The following RELN variants were observed in gnomAD, a reference collection of about 807,000 sequenced individuals.
RELN encodes reelin.
In RELN, 108 loss-of-function variants were observed where a neutral mutation model predicts 427.6. The observed-to-expected ratio is 0.25, with a 90% confidence interval of 0.22 to 0.30. The LOEUF is 0.30. Ranked by LOEUF, RELN falls within the 10% of genes least tolerant of loss-of-function variation. The pLI is 1.00. For synonymous variants in RELN, 1,524 were observed against 1,513.4 expected, an observed-to-expected ratio of 1.01 and a Z score of -0.16; for missense variants, 3,715 against 4,302.8, an observed-to-expected ratio of 0.86 and a Z score of 3.82.
At chr7:103,987,085 A>AAC (rs1563126732) in intron 1 of RELN, among the ~76,000 whole-genome samples, 2 of 151,794 alleles carry the variant, frequency 1.3e-5, no homozygotes, top group East Asian at 1.9e-4. Flanking sequence ...AAAAAAAAAA[A>AAC]AAAAAACTCT....
rs1797184332 is a variant in RELN, at chr7:103,989,576, G to A, written c.-220C>T. ...TTTGGGCCGCGGGAGCGCGGGACCG[G>A]GGCTGCGGGCGCCGAGAGCGCGTCG... is the stretch of plus-strand genomic sequence containing the variant. On this transcript the variant is annotated 5_prime_UTR_variant, in exon 1 of 65. Transcript: ENST00000428762. The surrounding 1 kb of genome is among the most constrained non-coding windows in gnomAD (Gnocchi z 4.9). 2.4e-6 allele frequency: 1 copy of A among 408,322 alleles called. No individual in the cohort carries two copies. The highest frequency in any genetic ancestry group is 4.2e-6 in the Non-Finnish European group (1 of 240,586). The allele number at this position is 408,322 out of a possible 1,614,324, so 25.3% of individuals were successfully genotyped here. A position where few individuals can be genotyped will look rare whatever the true frequency, so the allele number is the denominator to read the frequency against.
chr7:103,479,243 C>A (rs1187270951), intron 63 of RELN, among the ~76,000 whole-genome samples: 1 of 152,182 alleles, frequency 6.6e-6, no homozygotes, highest in Non-Finnish European at 1.5e-5. Context: ...ACAACAAATT[C>A]TCTTTTATCC....
chr7:103,588,922 G>A (rs1425287654), intron 28 of RELN, among the ~76,000 whole-genome samples: 1 of 147,946 alleles, frequency 6.8e-6, no homozygotes, highest in African/African-American at 2.5e-5. Context: ...TTCCAATATG[G>A]GATGTGTAAA....
intron 1 of RELN, among the ~76,000 whole-genome samples, chr7:103,970,560 C>A (rs1265642558): frequency 6.6e-6 from 1 of 152,016 alleles, no homozygotes; most frequent in Admixed American, 6.6e-5. Flanking sequence ...GAAAGGTTGT[C>A]TAGTGTTCCT....
Position 103,824,892 on chromosome 7 carries a change from T to A in RELN, c.473+8645A>T, listed in dbSNP as rs1479685094. ...TAAATACTAATTTTTAAAAGAAATA[T>A]AGAGTGGTAGTATAGGATGGTGGTT... On this transcript the variant is annotated intron_variant, in intron 3 of 64. Transcript: ENST00000428762. The surrounding 1 kb of genome is among the most constrained non-coding windows in gnomAD (Gnocchi z 4.4). Among the ~76,000 whole-genome samples, 2 of 152,006 alleles carry A rather than the reference T, an allele frequency of 1.3e-5. No homozygotes were observed. Among genetic ancestry groups the A allele is most frequent in the African/African-American group, 2.4e-5 (1 of 41,382 alleles).
intron 51 of RELN, among the ~76,000 whole-genome samples, chr7:103,507,729 A>C (rs190282252): frequency 2.4e-4 from 36 of 152,302 alleles, no homozygotes; most frequent in Admixed American, 2.0e-3. Flanking sequence ...CTTCAAAAAA[A>C]TCAATGAATC....
chr7:103,556,978 G>A lies in RELN; in HGVS notation c.5796C>T (p.Asn1932=), dbSNP rs200299096. 3.0e-4 allele frequency: 476 copies of A among 1,608,850 alleles called. 2 individuals carry two copies. The highest frequency in any genetic ancestry group is 1.4e-3 in the Admixed American group (82 of 60,022). Residue 1932 remains asparagine, a splice_region_variant and synonymous_variant, in exon 38 of 65, where the codon AAC becomes AAT. Transcript: ENST00000428762. Reference sequence around the variant, plus strand: ...ACAGGAGAACACATGCATTTTTACCGTTATTATAAGGTTGCCAGAGTCTGA... The same window carrying A: ...ACAGGAGAACACATGCATTTTTACCATTATTATAAGGTTGCCAGAGTCTGA... The part of the protein sequence containing the change: ...TRFRLWQPYN[N]GKKEEIWIVD...
intron 16 of RELN, among the ~76,000 whole-genome samples, chr7:103,646,046 C>T (rs187780108): frequency 6.6e-6 from 1 of 151,388 alleles, no homozygotes; most frequent in African/African-American, 2.4e-5. Flanking sequence ...GAGTTAATGA[C>T]AAAATGAACA....
At chr7:103,661,613 C>A (rs1281884861) in intron 11 of RELN, 86 bp from the exon 12 acceptor site, 2 of 1,165,446 alleles carry the variant, frequency 1.7e-6, no homozygotes, top group African/African-American at 3.1e-5. Flanking sequence ...TAGTGAGGGA[C>A]ACTTACTTAC....
intron 48 of RELN, 94 bp downstream of exon 48, chr7:103,521,928 A>C: frequency 1.6e-6 from 2 of 1,279,626 alleles, no homozygotes; most frequent in South Asian, 2.4e-5. Context: ...CTAACCCTGC[A>C]TCTTGATTTG....
At chr7:103,683,766 G>C (rs1016284003) in intron 10 of RELN, among the ~76,000 whole-genome samples, 3 of 152,092 alleles carry the variant, frequency 2.0e-5, no homozygotes, top group African/African-American at 7.2e-5. Context: ...AGTCTTAATA[G>C]ACTGACATAT....
rs528033807 is a variant in RELN, at chr7:103,640,961, A to G, written c.2003-352T>C. Among the ~76,000 whole-genome samples the G allele has an allele frequency of 6.6e-6, 1 of 152,318 alleles. No homozygotes were observed. Among genetic ancestry groups the G allele is most frequent in the East Asian group, 1.9e-4 (1 of 5,190 alleles). ...GAAAAAAAATATTTAAAAAGGACCA[A>G]TCTGATATATCACAATATGGAGAAG... On this transcript the variant is annotated intron_variant, in intron 16 of 64. Transcript: ENST00000428762. The surrounding 1 kb of genome is among the most constrained non-coding windows in gnomAD (Gnocchi z 4.1).
intron 11 of RELN, among the ~76,000 whole-genome samples, chr7:103,672,558 C>T (rs1833416662): frequency 6.6e-6 from 1 of 152,142 alleles, no homozygotes; most frequent in African/African-American, 2.4e-5. Flanking sequence ...GGAAGTAGTA[C>T]ATCTCTTTTA....
At chr7:103,821,103 A>G (rs1793003487) in intron 3 of RELN, among the ~76,000 whole-genome samples, 3 of 152,182 alleles carry the variant, frequency 2.0e-5, no homozygotes, top group South Asian at 2.1e-4. Flanking sequence ...TCAAAAGTCC[A>G]TAACAACAGA....
chr7:103,883,840 GA>G (rs1173358891), intron 2 of RELN, among the ~76,000 whole-genome samples: 2 of 152,210 alleles, frequency 1.3e-5, no homozygotes, highest in Non-Finnish European at 2.9e-5. Context: ...TCAATATCGT[GA>G]AAATGGCCAT....
At chr7:103,653,998 A>G in intron 13 of RELN, 95 bp downstream of exon 13, 3 of 779,636 alleles carry the variant, frequency 3.8e-6, no homozygotes, top group Middle Eastern at 4.5e-4. Context: ...ACAGGGATGT[A>G]TCTTCTGCAT....
chr7:103,755,129 G>T (rs1182245821), intron 4 of RELN, among the ~76,000 whole-genome samples: 1 of 148,300 alleles, frequency 6.7e-6, no homozygotes, highest in East Asian at 2.0e-4. Context: ...AGGACCGAAG[G>T]GATTTTTTTG....
intron 4 of RELN, among the ~76,000 whole-genome samples, chr7:103,761,702 C>T (rs957897753): frequency 6.6e-5 from 10 of 151,942 alleles, no homozygotes; most frequent in Admixed American, 4.6e-4. Flanking sequence ...GCAATCCACC[C>T]GCCTCAGCCT....
chr7:103,950,351 ATAATT>A (rs1311461805), intron 1 of RELN, among the ~76,000 whole-genome samples: 3 of 152,198 alleles, frequency 2.0e-5, no homozygotes, highest in Non-Finnish European at 4.4e-5. Flanking sequence ...TTAACACATT[ATAATT>A]TAATGAGATT....
Sources: allele counts gnomAD v4.1 joint callset (sites outside exome capture counted in the v4.1 genomes callset), GRCh38; gene constraint gnomAD v4.1.1; non-coding constraint Gnocchi (gnomAD v3.1); transcripts MANE v1.5; gene names NCBI Gene and HGNC (gene_info 2026-07-23, HGNC 2026-07-21).